The following TRIM67 variants were observed in gnomAD, a reference collection of about 807,000 sequenced individuals.
The protein encoded by TRIM67 is tripartite motif-containing protein 67.
A neutral mutation model predicts 71.0 loss-of-function variants in TRIM67; 39 were observed. The ratio of observed to expected loss-of-function variants is 0.55; its 90% CI spans 0.43 to 0.72. TRIM67 has a LOEUF of 0.72. Ranked by LOEUF, TRIM67 falls within the 30% of genes least tolerant of loss-of-function variation. The probability of loss-of-function intolerance (pLI) is 0.00; values close to 1 mark genes in which losing one functional copy is unlikely to be tolerated. For missense variants in TRIM67, 973 were observed against 1,079.2 expected, an observed-to-expected ratio of 0.90 and a Z score of 1.38; for synonymous variants, 481 against 473.9, an observed-to-expected ratio of 1.01 and a Z score of -0.19.
At chr1:231,197,279 C>T (rs1002869575) in intron 1 of TRIM67, 92 bp from the exon 2 acceptor site, 66 of 1,024,006 alleles carry the variant, frequency 6.4e-5, no homozygotes, top group Non-Finnish European at 8.9e-5. Flanking sequence ...AGTCCTATCC[C>T]CTCTTATAAA....
chr1:231,181,266 G>C (rs1391420852), intron 1 of TRIM67, among the ~76,000 whole-genome samples: 3 of 152,128 alleles, frequency 2.0e-5, no homozygotes, highest in Non-Finnish European at 4.4e-5. Context: ...ACCTGGCCAG[G>C]AGAAGTCTTA....
rs990974892 is a variant in TRIM67, at chr1:231,162,543, C to G, written c.-427C>G. ...GGCAGAAGGGGGGCCTCGGGGTAGCCGCCCACCGGAGCCAGGGGCTGAAGC... is the reference window on the plus strand; with the variant it reads ...GGCAGAAGGGGGGCCTCGGGGTAGCGGCCCACCGGAGCCAGGGGCTGAAGC... On this transcript the variant is annotated 5_prime_UTR_variant, in exon 1 of 10. Transcript: ENST00000366653. 2 of 192,250 alleles carry G rather than the reference C, an allele frequency of 1.0e-5. No homozygotes were observed. Among genetic ancestry groups the G allele is most frequent in the Non-Finnish European group, 2.1e-5 (2 of 94,750 alleles). 11.9% of individuals were successfully genotyped at this position (192,250 alleles called of 1,614,324 possible).
In TRIM67 at chr1:231,209,753, G is replaced by A. The variant is rs1021774684; in HGVS notation, c.2123+503G>A. On this transcript the variant is annotated intron_variant, in intron 8 of 9. Transcript: ENST00000366653. This position sits in a 1 kb window ranked among gnomAD's most constrained non-coding sequence, Gnocchi z 4.1. ...GGGCCCTTGACAGGGCAGTAGCAGA[G>A]GGCATGGCTGGGGTGCTCACTACTA... Among the ~76,000 whole-genome samples the A allele has an allele frequency of 1.3e-5, 2 of 152,354 alleles. No individual in the cohort carries two copies. The highest frequency in any genetic ancestry group is 2.1e-4 in the South Asian group (1 of 4,832).
chr1:231,162,377 G>A lies in TRIM67; in HGVS notation c.-593G>A, dbSNP rs1019587612. The A allele has an allele frequency of 1.3e-5, 2 of 152,230 alleles. No homozygotes were observed. Among genetic ancestry groups the A allele is most frequent in the East Asian group, 1.9e-4 (1 of 5,178 alleles). The allele number at this position is 152,230 out of a possible 1,614,324, so 9.4% of individuals were successfully genotyped here. ...CCCGGCGGGTGGCGGCCCAGGGGTC[G>A]GCGAGCAGGCAGCTGGAGCCCCACC... is the stretch of plus-strand genomic sequence containing the variant. On this transcript the variant is annotated 5_prime_UTR_variant, in exon 1 of 10. Transcript: ENST00000366653.
At chr1:231,177,008 A>G (rs1253352027) in intron 1 of TRIM67, among the ~76,000 whole-genome samples, 2 of 152,060 alleles carry the variant, frequency 1.3e-5, no homozygotes, top group African/African-American at 4.8e-5. Flanking sequence ...AAGTGAGGAA[A>G]CCGTAACATA....
rs1553327047 is a variant in TRIM67, at chr1:231,202,071, G to GAGGAGGAGGAGGTGGAAA, written c.1534+563_1534+564insAGGTGGAAAAGGAGGAGG. Among the ~76,000 whole-genome samples, 27 of 123,200 alleles carry GAGGAGGAGGAGGTGGAAA rather than the reference G, an allele frequency of 2.2e-4. 2 individuals carry two copies. Among genetic ancestry groups the GAGGAGGAGGAGGTGGAAA allele is most frequent in the Middle Eastern group, 3.8e-3 (1 of 264 alleles). The allele number at this position is 123,200 out of a possible 152,430, so 80.8% of individuals were successfully genotyped here. ...GGTAGTCATGGAGGAGGAGATGGAG[G>GAGGAGGAGGAGGTGGAAA]AGGAGGAGGTGGTGGCTAAGATAAT... On this transcript the variant is annotated intron_variant, in intron 5 of 9. Coordinates refer to ENST00000366653, the MANE Select transcript of TRIM67 (RefSeq NM_001004342.5).
At chr1:231,185,323 G>A in intron 1 of TRIM67, 1 of 1,126,520 alleles carries the variant, frequency 8.9e-7, no homozygotes. Flanking sequence ...AGAAAAGGAA[G>A]GAAAGTCAGA....
At chr1:231,179,232 C>T (rs1682836693) in intron 1 of TRIM67, among the ~76,000 whole-genome samples, 1 of 152,230 alleles carries the variant, frequency 6.6e-6, no homozygotes, top group African/African-American at 2.4e-5. Context: ...GGCTCCTTGG[C>T]TTGTGGCAGC....
chr1:231,183,118 G>T (rs1008405590), intron 1 of TRIM67, among the ~76,000 whole-genome samples: 1 of 152,144 alleles, frequency 6.6e-6, no homozygotes, highest in Non-Finnish European at 1.5e-5. Flanking sequence ...TTGTGGAAGG[G>T]ATAAAGAAGA....
chr1:231,199,768 T>C (rs777798610), intron 3 of TRIM67, among the ~76,000 whole-genome samples: 1 of 152,196 alleles, frequency 6.6e-6, no homozygotes, highest in Non-Finnish European at 1.5e-5. Context: ...CTGGAGTTGA[T>C]CCCATGGTTC....
chr1:231,217,182 C>T lies in TRIM67; in HGVS notation c.*1742C>T, dbSNP rs565420606. 59 of 986,038 alleles carry T rather than the reference C, an allele frequency of 6.0e-5. No homozygotes were observed. The highest frequency in any genetic ancestry group is 1.2e-4 in the Admixed American group (2 of 16,290). The allele number at this position is 986,038 out of a possible 1,614,324, so 61.1% of individuals were successfully genotyped here. A position where few individuals can be genotyped will look rare whatever the true frequency, so the allele number is the denominator to read the frequency against. On this transcript the variant is annotated 3_prime_UTR_variant, in exon 10 of 10. Transcript: ENST00000366653. The stretch of plus-strand genomic sequence containing the variant: ...TCTTGGTCTGCAAGGCTGCTTGGTC[C>T]GCTGTCTCTGCAGATGTGGCCGGCA...
chr1:231,177,258 G>A (rs1280387619), intron 1 of TRIM67, among the ~76,000 whole-genome samples: 1 of 152,160 alleles, frequency 6.6e-6, no homozygotes. Context: ...GGAAGGATGG[G>A]GTAGGGGGTG....
At chr1:231,176,906 C>CAAAAGAAAAAAAAAAAAAAAAAAA in intron 1 of TRIM67, among the ~76,000 whole-genome samples, 1 of 74,406 alleles carries the variant, frequency 1.3e-5, no homozygotes, top group Non-Finnish European at 2.5e-5. Context: ...TACAATCTGG[C>CAAAAGAAAAAAAAAAAAAAAAAAA]AAAAAAAAAA....
chr1:231,201,853 C>T (rs984725975), intron 5 of TRIM67, among the ~76,000 whole-genome samples: 2 of 152,248 alleles, frequency 1.3e-5, no homozygotes, highest in African/African-American at 4.8e-5. Flanking sequence ...TGCGGTTGAA[C>T]AAGTCTACCA....
intron 1 of TRIM67, chr1:231,187,675 CTGCAGGAGGCGGAG>C: frequency 9.5e-7 from 1 of 1,053,880 alleles, no homozygotes; most frequent in Non-Finnish European, 1.3e-6. Context: ...GGGCATCAAA[CTGCAGGAGGCGGAG>C]TGGGAGAGGC....
In TRIM67 at chr1:231,217,949, G is replaced by A. The variant is rs1684056636; in HGVS notation, c.*2509G>A. 1.7e-5 allele frequency: 22 copies of A among 1,266,516 alleles called. No homozygotes were observed. The highest frequency in any genetic ancestry group is 2.2e-5 in the Non-Finnish European group (22 of 978,234). 78.5% of individuals were successfully genotyped at this position (1,266,516 alleles called of 1,614,324 possible). On this transcript the variant is annotated 3_prime_UTR_variant, in exon 10 of 10. Transcript: ENST00000366653. ...TCCTCCCCACTGCCACCCTGAGCTT[G>A]GGGGCTGGGATTCTCCCTTTTCTGA... is the stretch of plus-strand genomic sequence containing the variant.
rs1241868460 is a variant in TRIM67 at position 231,216,570 on chromosome 1, T to C, written c.*1130T>C. 1 of 985,428 alleles carries C rather than the reference T, an allele frequency of 1.0e-6. No individual in the cohort carries two copies. Among genetic ancestry groups the C allele is most frequent in the Non-Finnish European group, 1.2e-6 (1 of 830,000 alleles). The allele number at this position is 985,428 out of a possible 1,614,324, so 61.0% of individuals were successfully genotyped here. A position where few individuals can be genotyped will look rare whatever the true frequency, so the allele number is the denominator to read the frequency against. On this transcript the variant is annotated 3_prime_UTR_variant, in exon 10 of 10. Transcript: ENST00000366653. ...CCCTATTGTCATTATGAAAGCATCA[T>C]GAACACAAGTGGCCCCTGTGGCAGG...
intron 1 of TRIM67, among the ~76,000 whole-genome samples, chr1:231,173,718 A>G (rs1009472704): frequency 2.0e-5 from 3 of 152,196 alleles, no homozygotes; most frequent in Non-Finnish European, 4.4e-5. Flanking sequence ...AGTAAGTGCT[A>G]TGGGTAACCA....
In TRIM67 at chr1:231,163,648, G is replaced by A; in HGVS notation, c.679G>A (p.Asp227Asn). Residue 227 changes from aspartate (D) to asparagine (N), a missense_variant, in exon 1 of 10, where the codon GAC becomes AAC. By Grantham distance (23) the Asp-to-Asn change is conservative (BLOSUM62 1). Around this residue, in one of 2 missense-constraint regions of TRIM67, gnomAD observed 795 missense variants for 831.3 expected, o/e 0.96. Transcript: ENST00000366653. The stretch of plus-strand genomic sequence containing the variant: ...AGCAGCCACGCTCTGCGAGCAGTGC[G>A]ACGTCCTCTACTGCTCTGCCTGCCA... The part of the protein sequence containing the change: ...EPAATLCEQC[D>N]VLYCSACQLK... 1 of 1,525,000 alleles carries A rather than the reference G, an allele frequency of 6.6e-7. No homozygotes were observed. Among genetic ancestry groups the A allele is most frequent in the Non-Finnish European group, 8.8e-7 (1 of 1,138,442 alleles). The allele number at this position is 1,525,000 out of a possible 1,614,324, so 94.5% of individuals were successfully genotyped here. A position where few individuals can be genotyped will look rare whatever the true frequency, so the allele number is the denominator to read the frequency against.
Sources: allele counts gnomAD v4.1 joint callset (sites outside exome capture counted in the v4.1 genomes callset), GRCh38; gene constraint gnomAD v4.1.1; regional missense constraint gnomAD v4.1.1; non-coding constraint Gnocchi (gnomAD v3.1); transcripts MANE v1.5; gene names NCBI Gene and HGNC (gene_info 2026-07-23, HGNC 2026-07-21).